WDFY4: variants seen among roughly 807,000 people sequenced by gnomAD.
The protein encoded by WDFY4 is WD repeat- and FYVE domain-containing protein 4.
WDFY4 carries 169 observed loss-of-function variants against 351.9 expected under a neutral mutation model. That is an observed-to-expected ratio of 0.48 (90% CI 0.42 to 0.55). The LOEUF (loss-of-function observed/expected upper bound fraction) is 0.55, where lower values mean the gene tolerates loss of function less well. Among genes scored for constraint, WDFY4 ranks in the 20% least tolerant of loss-of-function variants. WDFY4 has a pLI of 0.00. For synonymous variants in WDFY4, 1,622 were observed against 1,574.6 expected (o/e 1.03, Z -0.71); for missense variants, 3,803 against 3,935.6 (o/e 0.97, Z 0.90).
At chr10:48,937,684 A>T (rs74130406) in intron 47 of WDFY4, among the ~76,000 whole-genome samples, 1,739 of 152,342 alleles carry the variant, frequency 0.011, 25 homozygotes, top group African/African-American at 0.038. Flanking sequence ...CAGATTTTCC[A>T]CGTTAGGGAA....
chr10:48,869,978 G>A (rs545227222), intron 40 of WDFY4, among the ~76,000 whole-genome samples: 97 of 152,320 alleles, frequency 6.4e-4, no homozygotes, highest in African/African-American at 2.3e-3. Context: ...GCAGGGAAAC[G>A]CAGAATTCAA....
chr10:48,961,212 G>A (rs1279097088), intron 53 of WDFY4, among the ~76,000 whole-genome samples: 1 of 152,216 alleles, frequency 6.6e-6, no homozygotes, highest in African/African-American at 2.4e-5. Context: ...AGTGATAGGA[G>A]TCATCCCTCT....
intron 1 of WDFY4, among the ~76,000 whole-genome samples, chr10:48,696,491 A>G (rs1213430482): frequency 6.6e-6 from 1 of 152,228 alleles, no homozygotes; most frequent in African/African-American, 2.4e-5. Flanking sequence ...CACATGCAGC[A>G]CTGTCTGGCC....
intron 39 of WDFY4, among the ~76,000 whole-genome samples, chr10:48,859,389 T>C (rs1244820558): frequency 6.6e-6 from 1 of 152,212 alleles, no homozygotes; most frequent in East Asian, 1.9e-4. Context: ...TAAAAACATT[T>C]ATACCTATTC....
intron 57 of WDFY4, among the ~76,000 whole-genome samples, chr10:48,972,080 C>T (rs1448723859): frequency 6.6e-6 from 1 of 152,190 alleles, no homozygotes; most frequent in East Asian, 1.9e-4. Flanking sequence ...TGTAATTTAT[C>T]ATCCTCTCCT....
At chr10:48,871,858 C>A (rs2069796775) in intron 40 of WDFY4, among the ~76,000 whole-genome samples, 1 of 152,150 alleles carries the variant, frequency 6.6e-6, no homozygotes, top group Non-Finnish European at 1.5e-5. Context: ...TGTAGAGAAA[C>A]AAAATGATCT....
Position 48,974,519 on chromosome 10 carries a change from A to ACAAC in WDFY4, c.8929-343_8929-342insCAAC, listed in dbSNP as rs1554824238. Among the ~76,000 whole-genome samples, 2 of 49,924 alleles carry ACAAC rather than the reference A, an allele frequency of 4.0e-5. 1 individual carries two copies. The highest frequency in any genetic ancestry group is 7.2e-5 in the Non-Finnish European group (2 of 27,748). 32.8% of individuals were successfully genotyped at this position (49,924 alleles called of 152,430 possible). ...CTCCGTCTCAAAAAAAAAAAAAAAA[A>ACAAC]AAAAAAAAAACAACTCATGACATGA... On this transcript the variant is annotated intron_variant, in intron 57 of 61. Coordinates refer to ENST00000325239, the MANE Select transcript of WDFY4 (RefSeq NM_001394531.1).
chr10:48,948,190 C>T (rs1370920988), intron 51 of WDFY4, among the ~76,000 whole-genome samples: 1 of 152,164 alleles, frequency 6.6e-6, no homozygotes, highest in South Asian at 2.1e-4. Context: ...CCCTCCTTGA[C>T]GGCATAACAC....
intron 48 of WDFY4, among the ~76,000 whole-genome samples, chr10:48,943,109 T>A (rs1840863643): frequency 6.6e-6 from 1 of 152,208 alleles, no homozygotes; most frequent in South Asian, 2.1e-4. Context: ...TGGGTTTTTT[T>A]TTTTTCCTTG....
At chr10:48,920,604 C>A (rs2458674) in intron 47 of WDFY4, among the ~76,000 whole-genome samples, 51,103 of 151,990 alleles carry the variant, frequency 0.34, 9,101 homozygotes, top group Non-Finnish European at 0.39. Context: ...AAGTTTGGGA[C>A]TAAGACAAGA....
Position 48,780,188 on chromosome 10 carries a change from C to T in WDFY4, c.3576+69C>T, listed in dbSNP as rs948807620. The T allele has an allele frequency of 5.7e-5, 85 of 1,491,192 alleles. 1 individual carries two copies. In the South Asian group the frequency reaches 6.5e-4, roughly 11 times the overall value. The allele number at this position is 1,491,192 out of a possible 1,614,324, so 92.4% of individuals were successfully genotyped here. A position where few individuals can be genotyped will look rare whatever the true frequency, so the allele number is the denominator to read the frequency against. ...TCCTGCTACTACCCTGAAGTGGCCT[C>T]GGTTTCATTCTATGTTTTTGTTGTT... is the stretch of plus-strand genomic sequence containing the variant. On this transcript the variant is annotated intron_variant, in intron 19 of 61. Transcript: ENST00000325239.
At chr10:48,734,917 A>C (rs1351616734) in intron 10 of WDFY4, among the ~76,000 whole-genome samples, 3 of 149,948 alleles carry the variant, frequency 2.0e-5, no homozygotes, top group Admixed American at 2.0e-4. Flanking sequence ...CTGGGACTAC[A>C]GGCGCACGCC....
intron 39 of WDFY4, among the ~76,000 whole-genome samples, chr10:48,834,870 G>A (rs779074713): frequency 3.9e-5 from 6 of 152,188 alleles, no homozygotes; most frequent in Non-Finnish European, 8.8e-5. Context: ...GACATGCATT[G>A]AGCAACAGTT....
At chr10:48,952,823 T>C (rs1472281449) in intron 51 of WDFY4, among the ~76,000 whole-genome samples, 2 of 152,226 alleles carry the variant, frequency 1.3e-5, no homozygotes, top group Admixed American at 6.5e-5. Flanking sequence ...GCTGGACCAG[T>C]GCGTGGGCTT....
chr10:48,935,305 G>A (rs559141273), intron 47 of WDFY4: 1 of 152,346 alleles, frequency 6.6e-6, no homozygotes, highest in East Asian at 1.9e-4. Flanking sequence ...AAGGCTGAAA[G>A]GGTCTCTAAG....
intron 54 of WDFY4, among the ~76,000 whole-genome samples, chr10:48,965,186 T>C (rs1842023223): frequency 6.6e-6 from 1 of 152,246 alleles, no homozygotes; most frequent in Non-Finnish European, 1.5e-5. Flanking sequence ...TCCTGCCTCA[T>C]GTACTCATAG....
chr10:48,971,644 C>A (rs761937150), intron 57 of WDFY4, among the ~76,000 whole-genome samples: 1 of 152,184 alleles, frequency 6.6e-6, no homozygotes, highest in Non-Finnish European at 1.5e-5. Flanking sequence ...ACTTCTGTCA[C>A]CCTAGACCGT....
chr10:48,691,331 C>G (rs963261593), intron 1 of WDFY4, among the ~76,000 whole-genome samples: 1 of 152,178 alleles, frequency 6.6e-6, no homozygotes, highest in African/African-American at 2.4e-5. Context: ...GAGCCCAGCA[C>G]CCTTGGTGTG....
intron 45 of WDFY4, among the ~76,000 whole-genome samples, chr10:48,897,792 G>A (rs1057387864): frequency 2.0e-5 from 3 of 152,254 alleles, no homozygotes; most frequent in South Asian, 2.1e-4. Context: ...AGTCCTTGCC[G>A]TTGGCTGTTG....
Sources: gnomAD v4.1 joint callset for allele counts (sites outside exome capture counted in the v4.1 genomes callset) on GRCh38, gnomAD v4.1.1 for gene constraint, MANE v1.5 for transcripts, NCBI Gene and HGNC (gene_info 2026-07-23, HGNC 2026-07-21) for gene names.